The following CENPC variants were observed in gnomAD, a reference collection of about 807,000 sequenced individuals.
CENPC encodes centromere protein C.
A neutral mutation model predicts 112.1 loss-of-function variants in CENPC; 63 were observed. That is an observed-to-expected ratio of 0.56 (90% confidence interval 0.46 to 0.69). The LOEUF (loss-of-function observed/expected upper bound fraction) is 0.69. Among genes scored for constraint, CENPC ranks in the 30% least tolerant of loss-of-function variants. The probability of loss-of-function intolerance (pLI) is 0.00; values close to 1 mark genes in which losing one functional copy is unlikely to be tolerated. For missense variants in CENPC, 1,000 were observed against 1,103.8 expected (o/e 0.91, Z 1.33); for synonymous variants, 333 against 367.6 (o/e 0.91, Z 1.08).
chr4:67,520,306 T>A (rs986133833), intron 5 of CENPC, among the ~76,000 whole-genome samples: 22 of 152,110 alleles, frequency 1.4e-4, no homozygotes, highest in African/African-American at 5.1e-4. Flanking sequence ...GCTTCTACAA[T>A]CATAGATGGC....
intron 7 of CENPC, among the ~76,000 whole-genome samples, chr4:67,515,956 A>T (rs1486333549): frequency 1.3e-5 from 2 of 152,056 alleles, no homozygotes; most frequent in Non-Finnish European, 2.9e-5. Flanking sequence ...ATTTTACTAA[A>T]AGGCAGAAAG....
rs1233447987 is a variant in CENPC, at chr4:67,474,925, A to G, written c.2724T>C (p.Tyr908=). 3.2e-6 allele frequency: 5 copies of G among 1,583,298 alleles called. No individual in the cohort carries two copies. In the African/African-American group the frequency reaches 5.4e-5, roughly 17 times the overall value. ...DLLCTLHETP[Y]ILSTGDSFYV... ...AGAACGAATCCCCAGTACTTAATAT[A>G]TAAGGTGTTTCATGTAAAGTACACA... The change falls in exon 18 of 19, where the codon TAT becomes TAC. Residue 908 remains tyrosine, a synonymous_variant. Coordinates refer to ENST00000273853, the MANE Select transcript of CENPC (RefSeq NM_001812.4).
chr4:67,524,811 C>T (rs1280324291), intron 5 of CENPC, among the ~76,000 whole-genome samples: 1 of 152,138 alleles, frequency 6.6e-6, no homozygotes, highest in Admixed American at 6.5e-5. Context: ...ACTTTCTTCA[C>T]AGAACTAGAA....
chr4:67,479,867 C>T (rs377708154), intron 17 of CENPC, among the ~76,000 whole-genome samples: 2 of 152,138 alleles, frequency 1.3e-5, no homozygotes, highest in Admixed American at 1.3e-4. Flanking sequence ...ATTCAAGGCT[C>T]GTATGAACAC....
intron 12 of CENPC, among the ~76,000 whole-genome samples, chr4:67,497,290 A>T (rs1238115329): frequency 6.6e-6 from 1 of 152,026 alleles, no homozygotes; most frequent in African/African-American, 2.4e-5. Context: ...AGGCAGGAGA[A>T]TCGCTTGAAC....
At chr4:67,511,030 G>A (rs1299010536) in intron 9 of CENPC, 1 of 455,910 alleles carries the variant, frequency 2.2e-6, no homozygotes, top group East Asian at 7.0e-5. Flanking sequence ...GGCAACCTGG[G>A]GCAGAAAAGT....
In CENPC at chr4:67,515,371, C is replaced by T. The variant is rs543319552; in HGVS notation, c.831-684G>A. ...ATCCCAGCTACTTGGGAGGCTGAGG[C>T]GGAAGAATCACTTGAACCCAGGAGG... is the stretch of plus-strand genomic sequence containing the variant. On this transcript the variant is annotated intron_variant, in intron 7 of 18. Transcript: ENST00000273853. 2.0e-4 allele frequency among the ~76,000 whole-genome samples: 31 copies of T among 151,486 alleles called. No individual in the cohort carries two copies. The East Asian group carries it at 3.7e-3, about 18-fold the overall frequency.
intron 17 of CENPC, among the ~76,000 whole-genome samples, chr4:67,489,648 ATTAGAT>A (rs1725185794): frequency 6.6e-6 from 1 of 152,072 alleles, no homozygotes; most frequent in Admixed American, 6.6e-5. Context: ...GAAATGTGGA[ATTAGAT>A]TTAATCTCTA....
At chr4:67,544,303 C>T in intron 1 of CENPC, 108 bp from the exon 2 acceptor site, 1 of 637,114 alleles carries the variant, frequency 1.6e-6, no homozygotes, top group Non-Finnish European at 2.8e-6. Context: ...CCAAACATCT[C>T]CTAAGGGCTC....
intron 5 of CENPC, among the ~76,000 whole-genome samples, chr4:67,519,746 T>C (rs993562557): frequency 6.6e-6 from 1 of 152,256 alleles, no homozygotes; most frequent in Admixed American, 6.5e-5. Flanking sequence ...ACATGGAATA[T>C]AGATATAACA....
intron 14 of CENPC, chr4:67,493,603 T>C: frequency 3.7e-6 from 1 of 269,740 alleles, no homozygotes; most frequent in Non-Finnish European, 7.0e-6. Context: ...TGAAAACTAC[T>C]TTACCTTTAC....
chr4:67,540,195 A>G (rs1376552322), intron 3 of CENPC, among the ~76,000 whole-genome samples: 1 of 152,200 alleles, frequency 6.6e-6, no homozygotes, highest in Middle Eastern at 3.2e-3. Context: ...ATTCTTTTCT[A>G]TCATCTGCCC....
In CENPC at chr4:67,490,181, A is replaced by T. The variant is rs902822271; in HGVS notation, c.2516-60T>A. 2.8e-6 allele frequency: 3 copies of T among 1,084,070 alleles called. No homozygotes were observed. The African/African-American group carries it at 4.8e-5, about 18-fold the overall frequency. The allele number at this position is 1,084,070 out of a possible 1,614,324, so 67.2% of individuals were successfully genotyped here. ...CAGCAGTATTGGTTAATGATATAAC[A>T]TATACACATATATATAATAAAGAGT... On this transcript the variant is annotated intron_variant, in intron 16 of 18. Transcript: ENST00000273853.
chr4:67,511,328 T>G (rs573446798), intron 9 of CENPC, among the ~76,000 whole-genome samples: 1 of 152,278 alleles, frequency 6.6e-6, no homozygotes, highest in African/African-American at 2.4e-5. Context: ...ATGCCATAGT[T>G]GTACTAATCA....
At chr4:67,542,221 C>T (rs1578010953) in intron 2 of CENPC, among the ~76,000 whole-genome samples, 3 of 152,100 alleles carry the variant, frequency 2.0e-5, no homozygotes, top group African/African-American at 4.8e-5. Context: ...CACAACCAGT[C>T]GACTCTCCCA....
intron 18 of CENPC, 141 bp downstream of exon 18, chr4:67,474,747 C>T (rs1372609434): frequency 1.5e-6 from 1 of 652,454 alleles, no homozygotes; most frequent in Admixed American, 3.2e-5. Flanking sequence ...ACCTAATGAT[C>T]AAATGAAAGG....
chr4:67,512,566 C>T lies in CENPC; in HGVS notation c.1448G>A (p.Ser483Asn), dbSNP rs867460644. Residue 483 changes from serine to asparagine, a missense_variant, in exon 9 of 19, where the codon AGC (serine) becomes AAC (asparagine). Coordinates refer to ENST00000273853, the MANE Select transcript of CENPC (RefSeq NM_001812.4). ...VSKKQMPPVG[S>N]KKSSTRKDKE... ...ATCTTTTCTAGTGCTACTTTTCTTG[C>T]TTCCTAAAATAAAGAAAACCATAAA... 4 of 1,506,246 alleles carry T rather than the reference C, an allele frequency of 2.7e-6. No individual in the cohort carries two copies. The highest frequency in any genetic ancestry group is 3.5e-6 in the Non-Finnish European group (4 of 1,132,046). 93.3% of individuals were successfully genotyped at this position (1,506,246 alleles called of 1,614,324 possible).
chr4:67,542,630 A>T (rs1005222114), intron 2 of CENPC, among the ~76,000 whole-genome samples: 1 of 152,172 alleles, frequency 6.6e-6, no homozygotes, highest in Non-Finnish European at 1.5e-5. Flanking sequence ...AAATCTAGTT[A>T]AAAACCCCTA....
chr4:67,524,394 G>C (rs1311104609), intron 5 of CENPC, among the ~76,000 whole-genome samples: 1 of 152,088 alleles, frequency 6.6e-6, no homozygotes, highest in Non-Finnish European at 1.5e-5. Flanking sequence ...AAGTCAAACT[G>C]TCTCTGTTTG....
Sources: allele counts gnomAD v4.1 joint callset (sites outside exome capture counted in the v4.1 genomes callset), GRCh38; gene constraint gnomAD v4.1.1; transcripts MANE v1.5; gene names NCBI Gene and HGNC (gene_info 2026-07-23, HGNC 2026-07-21).